Variants in PAX2 observed in about 807,000 individuals in gnomAD.
The protein encoded by PAX2 is paired box protein Pax-2.
In PAX2, 9 loss-of-function variants were observed where a neutral mutation model predicts 41.7. That is an observed-to-expected ratio of 0.22 (90% CI 0.13 to 0.38). The LOEUF (loss-of-function observed/expected upper bound fraction) is 0.38, where lower values mean the gene tolerates loss of function less well. Ranked by LOEUF, PAX2 falls within the 10% of genes least tolerant of loss-of-function variation. The probability of loss-of-function intolerance (pLI) is 1.00; values close to 1 mark genes in which losing one functional copy is unlikely to be tolerated. For missense variants in PAX2, 418 were observed against 531.6 expected (o/e 0.79, Z 2.10); for synonymous variants, 221 against 212.7 (o/e 1.04, Z -0.34).
rs1002228974 is a variant in PAX2 at position 100,828,972 on chromosome 10, G to GTA, written c.*1354_*1355dup. The GTA allele has an allele frequency of 6.1e-5, 12 of 197,942 alleles. No homozygotes were observed. Among genetic ancestry groups the GTA allele is most frequent in the African/African-American group, 2.4e-4 (10 of 42,030 alleles). The allele number at this position is 197,942 out of a possible 1,614,324, so 12.3% of individuals were successfully genotyped here. A position where few individuals can be genotyped will look rare whatever the true frequency, so the allele number is the denominator to read the frequency against. On this transcript the variant is annotated 3_prime_UTR_variant, in exon 10 of 10. Coordinates refer to ENST00000355243, the MANE Select transcript of PAX2 (RefSeq NM_000278.5). This position sits in a 1 kb window ranked among gnomAD's most constrained non-coding sequence, Gnocchi z 6.5. ...TCCCTGTCGCCCGCCGGCCCTGCCT[G>GTA]TAGATACGCCCCGCTGTCTGTGCTG...
intron 4 of PAX2, among the ~76,000 whole-genome samples, chr10:100,780,312 G>A (rs372006395): frequency 2.6e-5 from 4 of 152,126 alleles, no homozygotes; most frequent in African/African-American, 7.2e-5. Flanking sequence ...TGTCCCCAAC[G>A]CACACAGACT....
chr10:100,741,374 G>A (rs1278125588), upstream of PAX2, among the ~76,000 whole-genome samples: 1 of 142,272 alleles, frequency 7.0e-6, no homozygotes, highest in Non-Finnish European at 1.5e-5. Flanking sequence ...TGAAATTGCA[G>A]CCCATGGTGC....
In PAX2 at chr10:100,781,316, G is replaced by T; in HGVS notation, c.567G>T (p.Gly189=). The T allele has an allele frequency of 6.2e-7, 1 of 1,613,722 alleles. No individual in the cohort carries two copies. Among genetic ancestry groups the T allele is most frequent in the Non-Finnish European group, 8.5e-7 (1 of 1,179,614 alleles). The change falls in exon 5 of 10, where the codon GGG becomes GGT. Residue 189 remains glycine (G), a synonymous_variant. Coordinates refer to ENST00000355243, the MANE Select transcript of PAX2 (RefSeq NM_000278.5). ...CAGTGGGATCCTACTCCATCAATGGGATCCTGGGGATTCCTCGCTCCAATG... is the reference window on the plus strand; with the variant it reads ...CAGTGGGATCCTACTCCATCAATGGTATCCTGGGGATTCCTCGCTCCAATG... ...NDPVGSYSIN[G]ILGIPRSNGE... is the part of the protein sequence containing the mutation.
At chr10:100,774,033 G>A (rs930036392) in intron 3 of PAX2, among the ~76,000 whole-genome samples, 21 of 152,186 alleles carry the variant, frequency 1.4e-4, no homozygotes, top group South Asian at 2.1e-4. Flanking sequence ...GAGAGGAGCA[G>A]AGAAGGAGAA....
chr10:100,745,119 TG>T (rs1291073364), upstream of PAX2, among the ~76,000 whole-genome samples: 1 of 151,974 alleles, frequency 6.6e-6, no homozygotes, highest in Non-Finnish European at 1.5e-5. Flanking sequence ...CACTGGCCAG[TG>T]GATGGCAGGG....
chr10:100,745,250 C>T (rs948166421), upstream of PAX2, among the ~76,000 whole-genome samples: 1 of 152,212 alleles, frequency 6.6e-6, no homozygotes, highest in African/African-American at 2.4e-5. Flanking sequence ...TTTATCTTAT[C>T]GGCGAGTTTC....
chr10:100,757,971 G>A (rs1845693749), intron 3 of PAX2, among the ~76,000 whole-genome samples: 1 of 152,134 alleles, frequency 6.6e-6, no homozygotes, highest in Non-Finnish European at 1.5e-5. Context: ...GACAGGCGAG[G>A]CCGTAGAGCC....
At chr10:100,779,435 G>T (rs1846520529) in intron 3 of PAX2, 63 bp from the exon 4 acceptor site, 1 of 1,366,600 alleles carries the variant, frequency 7.3e-7, no homozygotes, top group Admixed American at 2.0e-5. Flanking sequence ...GCAGGGCTGG[G>T]CTGGAATTGG....
At chr10:100,812,321 C>T (rs959439553) in intron 7 of PAX2, among the ~76,000 whole-genome samples, 3 of 152,240 alleles carry the variant, frequency 2.0e-5, no homozygotes, top group Admixed American at 2.0e-4. Context: ...GCTGCTCTAG[C>T]TCAGCGGCAT....
At chr10:100,796,774 A>C (rs1024373086) in intron 5 of PAX2, among the ~76,000 whole-genome samples, 1 of 151,934 alleles carries the variant, frequency 6.6e-6, no homozygotes, top group Non-Finnish European at 1.5e-5. Context: ...CATCCCCATC[A>C]TTTCCCTTTC....
chr10:100,749,596 T>C, intron 1 of PAX2, 150 bp from the exon 2 acceptor site: 1 of 1,434,284 alleles, frequency 7.0e-7, no homozygotes, highest in South Asian at 1.5e-5. Context: ...CTCCGCGTGG[T>C]CGTGGAGGTC....
intron 7 of PAX2, among the ~76,000 whole-genome samples, chr10:100,821,530 G>A (rs941599237): frequency 6.6e-6 from 1 of 152,242 alleles, no homozygotes; most frequent in African/African-American, 2.4e-5. Context: ...CTTTCAATCA[G>A]CTGTTCAGTG....
At chr10:100,795,172 T>C (rs931491372) in intron 5 of PAX2, among the ~76,000 whole-genome samples, 31 of 152,338 alleles carry the variant, frequency 2.0e-4, no homozygotes, top group African/African-American at 7.2e-4. Context: ...GGTTAAATGT[T>C]AACACTCACT....
chr10:100,752,163 AATT>A (rs1174172309), intron 3 of PAX2, among the ~76,000 whole-genome samples: 13 of 152,188 alleles, frequency 8.5e-5, no homozygotes, highest in African/African-American at 3.1e-4. Context: ...CGACCCCAGA[AATT>A]ATCCCAGTGT....
At chr10:100,741,805 G>C (rs1844965680), upstream of PAX2, among the ~76,000 whole-genome samples, 2 of 152,196 alleles carry the variant, frequency 1.3e-5, no homozygotes. Context: ...TTCTCCCCTT[G>C]GTTCTAAACA....
Position 100,828,716 on chromosome 10 carries a change from T to A in PAX2, c.*1097T>A, listed in dbSNP as rs2133993181. 2 of 233,452 alleles carry A rather than the reference T, an allele frequency of 8.6e-6. No individual in the cohort carries two copies. The highest frequency in any genetic ancestry group is 1.7e-5 in the Non-Finnish European group (2 of 118,048). The allele number at this position is 233,452 out of a possible 1,614,324, so 14.5% of individuals were successfully genotyped here. ...CTGCTGCGGGGTGGAAGTGGGGGGC[T>A]GCCCACTCCACTCCTCCCATCCCCT... is the stretch of plus-strand genomic sequence containing the variant. On this transcript the variant is annotated 3_prime_UTR_variant, in exon 10 of 10. Transcript: ENST00000355243. The surrounding 1 kb of genome is among the most constrained non-coding windows in gnomAD (Gnocchi z 6.5).
Position 100,824,890 on chromosome 10 carries a change from C to T in PAX2, c.1021+141C>T. 1 of 1,612,532 alleles carries T rather than the reference C, an allele frequency of 6.2e-7. No homozygotes were observed. The highest frequency in any genetic ancestry group is 1.1e-5 in the South Asian group (1 of 91,040). ...TGCAAACCACTGCTATTCTGTCCCT[C>T]TCTCTCCTTAGAGGCTGCAGTTGGT... is the stretch of plus-strand genomic sequence containing the variant. On this transcript the variant is annotated intron_variant, in intron 8 of 9. Coordinates refer to ENST00000355243, the MANE Select transcript of PAX2 (RefSeq NM_000278.5). This position sits in a 1 kb window ranked among gnomAD's most constrained non-coding sequence, Gnocchi z 6.6.
chr10:100,769,429 A>G (rs566722615), intron 3 of PAX2, among the ~76,000 whole-genome samples: 1 of 151,980 alleles, frequency 6.6e-6, no homozygotes, highest in East Asian at 1.9e-4. Flanking sequence ...GGAGTTTGAG[A>G]CCAGCCTGGC....
intron 7 of PAX2, among the ~76,000 whole-genome samples, chr10:100,814,586 G>C (rs1352226163): frequency 6.6e-6 from 1 of 152,186 alleles, no homozygotes; most frequent in African/African-American, 2.4e-5. Flanking sequence ...GCTTGTCCAG[G>C]CTCCCAGACT....
Sources: gnomAD v4.1 joint callset for allele counts (sites outside exome capture counted in the v4.1 genomes callset) on GRCh38, gnomAD v4.1.1 for gene constraint, Gnocchi (gnomAD v3.1) non-coding constraint, MANE v1.5 for transcripts, NCBI Gene and HGNC (gene_info 2026-07-23, HGNC 2026-07-21) for gene names.